CSMD2: variants seen among roughly 807,000 people sequenced by gnomAD.
CSMD2 encodes the protein CUB and Sushi multiple domains 2.
In CSMD2, 130 loss-of-function variants were observed where a neutral mutation model predicts 398.5. The observed-to-expected ratio is 0.33, with a 90% confidence interval of 0.28 to 0.38. CSMD2 has a LOEUF of 0.38. CSMD2 is among the 10% of genes least tolerant of loss of function. The pLI, the probability that CSMD2 is intolerant of heterozygous loss-of-function variation, is 1.00. For missense variants in CSMD2, 3,829 were observed against 4,764.9 expected (o/e 0.80, Z 5.78); for synonymous variants, 1,828 against 1,908.5 (o/e 0.96, Z 1.10).
intron 5 of CSMD2, among the ~76,000 whole-genome samples, chr1:33,895,552 C>G (rs1278794372): frequency 1.3e-5 from 2 of 152,242 alleles, no homozygotes; most frequent in Non-Finnish European, 1.5e-5. Context: ...TTAGCAGCAG[C>G]AGGGCCACCC....
intron 44 of CSMD2, among the ~76,000 whole-genome samples, chr1:33,595,295 G>A (rs908046468): frequency 3.9e-5 from 6 of 152,182 alleles, no homozygotes; most frequent in Non-Finnish European, 7.3e-5. Flanking sequence ...AGGTTTGCCT[G>A]GTGTTTCCTC....
intron 5 of CSMD2, among the ~76,000 whole-genome samples, chr1:33,901,573 A>C (rs921139207): frequency 1.3e-5 from 2 of 152,194 alleles, no homozygotes; most frequent in African/African-American, 4.8e-5. Flanking sequence ...GTCCCAATGC[A>C]TCTAAAGGTT....
intron 15 of CSMD2, among the ~76,000 whole-genome samples, chr1:33,737,651 C>T (rs1448097713): frequency 6.6e-6 from 1 of 152,116 alleles, no homozygotes; most frequent in East Asian, 1.9e-4. Flanking sequence ...AGAGTCGGGG[C>T]TCTGGAGGCC....
intron 7 of CSMD2, among the ~76,000 whole-genome samples, chr1:33,824,498 C>T (rs1179806387): frequency 1.3e-5 from 2 of 152,214 alleles, no homozygotes; most frequent in Non-Finnish European, 2.9e-5. Context: ...CAATCCCCAA[C>T]CCAGGCTCGG....
chr1:33,761,257 T>C (rs1359602800), intron 13 of CSMD2, among the ~76,000 whole-genome samples: 2 of 152,092 alleles, frequency 1.3e-5, no homozygotes, highest in Non-Finnish European at 2.9e-5. Context: ...ACCCAGTCTT[T>C]CCATGTCCCA....
At chr1:33,948,948 A>G (rs1644921019) in intron 3 of CSMD2, among the ~76,000 whole-genome samples, 1 of 152,162 alleles carries the variant, frequency 6.6e-6, no homozygotes, top group South Asian at 2.1e-4. Context: ...GGTGTCCCAT[A>G]GACCTGGGTG....
intron 68 of CSMD2, among the ~76,000 whole-genome samples, chr1:33,521,166 A>C (rs1415174589): frequency 1.3e-5 from 2 of 152,134 alleles, no homozygotes; most frequent in Non-Finnish European, 1.5e-5. Context: ...GGCTGGCTGG[A>C]GGGTGTGGCT....
Position 33,540,560 on chromosome 1 carries a change from T to C in CSMD2, c.9596A>G (p.Asn3199Ser), listed in dbSNP as rs1173184732. ...AGGCAGCTCTCCGGTCCAGGACCCA[T>C]TTCCCTCACAGGTGAACACCGCGGG... Reference protein sequence around the residue: ...SLPAVFTCEGNGSWTGELPQC... With the variant: ...SLPAVFTCEGSGSWTGELPQC... Residue 3199 changes from asparagine to serine, a missense_variant, in exon 60 of 71, where the codon AAT becomes AGT. By Grantham distance (46) the Asn-to-Ser change is conservative. This residue lies in a region of CSMD2 where 917 missense variants were observed against 1,199.5 expected (regional missense o/e 0.76). Transcript: ENST00000373381. 4.3e-6 allele frequency: 7 copies of C among 1,614,154 alleles called. No individual in the cohort carries two copies. Among genetic ancestry groups the C allele is most frequent in the South Asian group, 1.1e-5 (1 of 91,082 alleles).
chr1:33,865,127 G>T (rs1351006363), intron 5 of CSMD2, among the ~76,000 whole-genome samples: 1 of 151,442 alleles, frequency 6.6e-6, no homozygotes, highest in Admixed American at 6.6e-5. Context: ...GTTCTGAGTG[G>T]TGATCCAGGT....
chr1:33,957,179 T>C (rs1043939822), intron 3 of CSMD2, among the ~76,000 whole-genome samples: 3 of 152,092 alleles, frequency 2.0e-5, no homozygotes, highest in African/African-American at 4.8e-5. Context: ...TTTCCCCCCT[T>C]TGTTTACTGT....
At chr1:33,953,213 G>C (rs1304690703) in intron 3 of CSMD2, among the ~76,000 whole-genome samples, 1 of 152,204 alleles carries the variant, frequency 6.6e-6, no homozygotes, top group African/African-American at 2.4e-5. Flanking sequence ...GACCCAAGGG[G>C]ATGTGTGTCT....
chr1:33,693,025 C>A lies in CSMD2; in HGVS notation c.3957G>T (p.Val1319=), dbSNP rs773861096. The change falls in exon 25 of 71, where the codon GTG becomes GTT. Residue 1319 remains valine, a synonymous_variant. Transcript: ENST00000373381. ...ACCCGGGTGACAGCACCTGCCCCGA[C>A]ACCTCTCCTCTCACTGTCCCTCCAC... ...AECGGTVRGE[V]SGQVLSPGYP... is the part of the protein sequence containing the mutation. 6.2e-7 allele frequency: 1 copy of A among 1,602,390 alleles called. No individual in the cohort carries two copies. Among genetic ancestry groups the A allele is most frequent in the Non-Finnish European group, 8.5e-7 (1 of 1,175,140 alleles).
intron 56 of CSMD2, among the ~76,000 whole-genome samples, chr1:33,548,557 C>A (rs751958344): frequency 8.5e-5 from 13 of 152,126 alleles, no homozygotes; most frequent in Non-Finnish European, 1.9e-4. Flanking sequence ...AAAACTTTGA[C>A]CTGGAATTCA....
intron 3 of CSMD2, among the ~76,000 whole-genome samples, chr1:33,945,998 G>A (rs771737952): frequency 1.2e-4 from 18 of 152,146 alleles, no homozygotes; most frequent in Admixed American, 7.2e-4. Flanking sequence ...ATTATTTTCC[G>A]GTGTGTTCTA....
intron 25 of CSMD2, among the ~76,000 whole-genome samples, chr1:33,667,399 T>C (rs1477759491): frequency 6.6e-6 from 1 of 152,206 alleles, no homozygotes; most frequent in African/African-American, 2.4e-5. Flanking sequence ...ACTAGTCTCA[T>C]CTTTAACAAT....
chr1:33,610,918 T>C (rs1206099015), intron 41 of CSMD2, 123 bp downstream of exon 41: 12 of 888,372 alleles, frequency 1.4e-5, no homozygotes, highest in Non-Finnish European at 2.1e-5. Flanking sequence ...TGACTGGGCC[T>C]GCCACCGCAA....
intron 14 of CSMD2, among the ~76,000 whole-genome samples, chr1:33,741,809 C>A (rs555400606): frequency 6.6e-6 from 1 of 152,344 alleles, no homozygotes; most frequent in South Asian, 2.1e-4. Flanking sequence ...CAAGTTCCCA[C>A]TCAGTGTCCA....
chr1:33,676,291 C>G (rs957799881), intron 25 of CSMD2, among the ~76,000 whole-genome samples: 1 of 152,164 alleles, frequency 6.6e-6, no homozygotes, highest in Non-Finnish European at 1.5e-5. Context: ...GTGCAAAAAT[C>G]ACAAGCATTC....
rs1646500696 is a variant in CSMD2, at chr1:33,725,510, G to A, written c.2534C>T (p.Thr845Ile). 7.4e-6 allele frequency: 12 copies of A among 1,614,196 alleles called. No homozygotes were observed. The highest frequency in any genetic ancestry group is 1.0e-5 in the Non-Finnish European group (12 of 1,180,020). ...AGTCCGCCCATCGCGTACTTCCAGG[G>A]TGTCATAGTTGACCTCGGTTTTGAA... ...DRFKTEVNYD[T>I]LEVRDGRTYS... is the part of the protein sequence containing the mutation. Residue 845 changes from threonine (T) to isoleucine (I), a missense_variant, in exon 17 of 71, where the codon ACC (threonine) becomes ATC (isoleucine). Around this residue, in one of 5 missense-constraint regions of CSMD2, gnomAD observed 2,001 missense variants for 2,567.1 expected, o/e 0.78. Coordinates refer to ENST00000373381, the MANE Select transcript of CSMD2 (RefSeq NM_001281956.2).
Sources: gnomAD v4.1 joint callset for allele counts (sites outside exome capture counted in the v4.1 genomes callset) on GRCh38, gnomAD v4.1.1 for gene constraint, gnomAD v4.1.1 regional missense constraint, MANE v1.5 for transcripts, NCBI Gene and HGNC (gene_info 2026-07-23, HGNC 2026-07-21) for gene names.